LRBA: variants seen among roughly 807,000 people sequenced by gnomAD.
LRBA encodes the protein LPS responsive beige-like anchor protein.
In LRBA, 176 loss-of-function variants were observed where a neutral mutation model predicts 330.0. That is an observed-to-expected ratio of 0.53 (90% CI 0.47 to 0.60). The LOEUF (loss-of-function observed/expected upper bound fraction) is 0.60, where lower values mean the gene tolerates loss of function less well. Ranked by LOEUF, LRBA falls within the 20% of genes least tolerant of loss-of-function variation. The pLI is 0.00. For synonymous variants in LRBA, 1,230 were observed against 1,193.0 expected (o/e 1.03, Z -0.64); for missense variants, 3,259 against 3,444.8 (o/e 0.95, Z 1.35).
intron 46 of LRBA, among the ~76,000 whole-genome samples, chr4:150,428,975 A>T (rs1328528052): frequency 6.6e-6 from 1 of 152,152 alleles, no homozygotes; most frequent in Non-Finnish European, 1.5e-5. Context: ...TATTTAATTT[A>T]GTGCCTACCA....
At chr4:150,564,629 T>A (rs1768882850) in intron 40 of LRBA, among the ~76,000 whole-genome samples, 1 of 152,044 alleles carries the variant, frequency 6.6e-6, no homozygotes, top group African/African-American at 2.4e-5. Context: ...ATGTTTGCAA[T>A]CTACCCATCT....
At chr4:150,647,154 A>G (rs1029286040) in intron 37 of LRBA, among the ~76,000 whole-genome samples, 3 of 151,964 alleles carry the variant, frequency 2.0e-5, no homozygotes, top group Non-Finnish European at 4.4e-5. Flanking sequence ...ACAGTTCTGG[A>G]AACCTTGTCA....
chr4:150,518,140 G>T (rs1313666117), intron 40 of LRBA, among the ~76,000 whole-genome samples: 1 of 152,068 alleles, frequency 6.6e-6, no homozygotes, highest in African/African-American at 2.4e-5. Flanking sequence ...TATCTCAATT[G>T]CCAACATCAC....
chr4:150,801,621 T>C (rs1641524657), intron 33 of LRBA, among the ~76,000 whole-genome samples: 1 of 152,206 alleles, frequency 6.6e-6, no homozygotes, highest in South Asian at 2.1e-4. Context: ...TAAACTGTGG[T>C]ACATAATCAT....
In LRBA at chr4:150,511,277, A is replaced by T. The variant is rs545404877; in HGVS notation, c.6331-20242T>A. ...CATAAACACCATGTAAGCCAAACAA[A>T]AACTTAGTTATGCTAAATACTACAT... is the stretch of plus-strand genomic sequence containing the variant. On this transcript the variant is annotated intron_variant, in intron 40 of 56. Coordinates refer to ENST00000651943, the MANE Select transcript of LRBA (RefSeq NM_001364905.1). 2.0e-5 allele frequency among the ~76,000 whole-genome samples: 3 copies of T among 152,282 alleles called. No individual in the cohort carries two copies. The South Asian group carries it at 6.2e-4, about 32-fold the overall frequency.
At chr4:150,462,087 G>T (rs1048921777) in intron 44 of LRBA, among the ~76,000 whole-genome samples, 7 of 151,692 alleles carry the variant, frequency 4.6e-5, no homozygotes, top group Non-Finnish European at 1.0e-4. Flanking sequence ...ATGTCAAAAA[G>T]AAAATGTTGA....
intron 37 of LRBA, among the ~76,000 whole-genome samples, chr4:150,671,039 TGTGA>T (rs1399490872): frequency 4.2e-4 from 61 of 146,886 alleles, no homozygotes; most frequent in African/African-American, 7.5e-4. Context: ...TGTGTGTGTG[TGTGA>T]GAGAGAGAGA....
Position 150,893,110 on chromosome 4 carries a change from A to G in LRBA, c.2107T>C (p.Leu703=). ...LMDVLQLLVA[L]MSEHPNSMIP... is the part of the protein sequence containing the mutation. Reference sequence around the variant, plus strand: ...ATAGAGTTAGGGTGTTCTGACATTAATGCAACAAGCAGCTGTAGGACATCC... The same window carrying G: ...ATAGAGTTAGGGTGTTCTGACATTAGTGCAACAAGCAGCTGTAGGACATCC... The change falls in exon 17 of 57, where the codon TTA becomes CTA. Residue 703 remains leucine, a synonymous_variant. Coordinates refer to ENST00000651943, the MANE Select transcript of LRBA (RefSeq NM_001364905.1). The G allele has an allele frequency of 6.2e-7, 1 of 1,612,656 alleles. No individual in the cohort carries two copies. Among genetic ancestry groups the G allele is most frequent in the Non-Finnish European group, 8.5e-7 (1 of 1,179,118 alleles).
intron 42 of LRBA, among the ~76,000 whole-genome samples, chr4:150,474,313 C>G (rs1259361503): frequency 6.6e-6 from 1 of 152,134 alleles, no homozygotes; most frequent in Non-Finnish European, 1.5e-5. Flanking sequence ...TGTCAATTCT[C>G]TTCCTTTAAT....
intron 46 of LRBA, among the ~76,000 whole-genome samples, chr4:150,434,222 T>C (rs983327902): frequency 6.6e-6 from 1 of 152,136 alleles, no homozygotes; most frequent in Non-Finnish European, 1.5e-5. Context: ...GATATCTCAT[T>C]ATACTTAATA....
intron 16 of LRBA, among the ~76,000 whole-genome samples, chr4:150,895,349 T>G (rs963182195): frequency 2.0e-5 from 3 of 152,108 alleles, no homozygotes; most frequent in Non-Finnish European, 4.4e-5. Context: ...TTGTTACATA[T>G]GTATACATGT....
At chr4:150,602,729 G>C (rs576703426) in intron 37 of LRBA, among the ~76,000 whole-genome samples, 3 of 152,150 alleles carry the variant, frequency 2.0e-5, no homozygotes, top group African/African-American at 7.2e-5. Flanking sequence ...CCAGGCAAAA[G>C]AGGATACAAA....
chr4:150,941,510 G>A (rs1735676659), intron 2 of LRBA, among the ~76,000 whole-genome samples: 1 of 152,154 alleles, frequency 6.6e-6, no homozygotes, highest in South Asian at 2.1e-4. Context: ...GCTATTCTTA[G>A]ACAAAATTTA....
intron 2 of LRBA, among the ~76,000 whole-genome samples, chr4:150,957,560 C>T (rs1737675037): frequency 6.7e-6 from 1 of 148,422 alleles, no homozygotes; most frequent in African/African-American, 2.6e-5. Context: ...AATCTCATAT[C>T]CTCACATTTC....
chr4:150,911,209 C>A (rs1401202885), intron 9 of LRBA, among the ~76,000 whole-genome samples: 2 of 152,108 alleles, frequency 1.3e-5, no homozygotes, highest in Non-Finnish European at 2.9e-5. Context: ...AACTGGATTT[C>A]CAAATACTAT....
At chr4:150,643,016 C>T (rs1426746538) in intron 37 of LRBA, among the ~76,000 whole-genome samples, 5 of 151,694 alleles carry the variant, frequency 3.3e-5, no homozygotes, top group Admixed American at 3.3e-4. Flanking sequence ...TTCATTTAAC[C>T]CACATAAAAA....
At chr4:150,538,113 A>G (rs1236210630) in intron 40 of LRBA, among the ~76,000 whole-genome samples, 1 of 152,226 alleles carries the variant, frequency 6.6e-6, no homozygotes, top group Non-Finnish European at 1.5e-5. Flanking sequence ...CAGAATGGCT[A>G]TTATTAAAAA....
At chr4:150,438,750 C>G (rs984330252) in intron 44 of LRBA, among the ~76,000 whole-genome samples, 2 of 152,026 alleles carry the variant, frequency 1.3e-5, no homozygotes, top group African/African-American at 4.8e-5. Flanking sequence ...ACATGTTAAG[C>G]AACATCTTAA....
At chr4:150,457,527 A>C (rs1219594976) in intron 44 of LRBA, among the ~76,000 whole-genome samples, 1 of 152,062 alleles carries the variant, frequency 6.6e-6, no homozygotes, top group Non-Finnish European at 1.5e-5. Context: ...AGCATAGTAC[A>C]TATTCACATA....
Sources: gnomAD v4.1 joint callset for allele counts (sites outside exome capture counted in the v4.1 genomes callset) on GRCh38, gnomAD v4.1.1 for gene constraint, MANE v1.5 for transcripts, NCBI Gene and HGNC (gene_info 2026-07-23, HGNC 2026-07-21) for gene names.